DLGAP2: variants seen among roughly 807,000 people sequenced by gnomAD.
DLGAP2 encodes the protein DLG associated protein 2.
In DLGAP2, 26 loss-of-function variants were observed where a neutral mutation model predicts 100.3. The observed-to-expected ratio is 0.26, with a 90% CI of 0.19 to 0.36. DLGAP2 has a LOEUF of 0.36. DLGAP2 is among the 10% of genes least tolerant of loss of function. The pLI, the probability that DLGAP2 is intolerant of heterozygous loss-of-function variation, is 1.00. For missense variants in DLGAP2, 1,858 were observed against 1,453.2 expected, an observed-to-expected ratio of 1.28 and a Z score of -4.53; for synonymous variants, 886 against 630.1, an observed-to-expected ratio of 1.41 and a Z score of -6.08.
At chr8:935,591 T>C (rs879361000) in intron 2 of DLGAP2, among the ~76,000 whole-genome samples, 1 of 152,208 alleles carries the variant, frequency 6.6e-6, no homozygotes, top group Non-Finnish European at 1.5e-5. Context: ...TTGGACGGTG[T>C]GGCTCTGTCG....
chr8:1,633,175 A>G, intron 8 of DLGAP2, 129 bp downstream of exon 8: 1 of 839,660 alleles, frequency 1.2e-6, no homozygotes, highest in Non-Finnish European at 1.8e-6. Flanking sequence ...AACGTTTCCT[A>G]ATTGCATGTG....
intron 3 of DLGAP2, among the ~76,000 whole-genome samples, chr8:1,484,375 T>G (rs1477281836): frequency 6.6e-6 from 1 of 152,274 alleles, no homozygotes; most frequent in African/African-American, 2.4e-5. Context: ...GACACGGACA[T>G]GAGTTCCTTA....
chr8:1,167,928 T>C (rs1797051622), intron 2 of DLGAP2, among the ~76,000 whole-genome samples: 1 of 151,822 alleles, frequency 6.6e-6, no homozygotes, highest in African/African-American at 2.4e-5. Flanking sequence ...ATGTGCACAA[T>C]GTGTAGGCTA....
intron 2 of DLGAP2, among the ~76,000 whole-genome samples, chr8:989,117 G>C (rs538895872): frequency 1.1e-4 from 17 of 152,350 alleles, no homozygotes; most frequent in South Asian, 6.2e-4. Flanking sequence ...CCGCAGTGCA[G>C]TCCCAGCCTT....
At chr8:860,823 G>C (rs1304529594) in intron 1 of DLGAP2, among the ~76,000 whole-genome samples, 1 of 152,162 alleles carries the variant, frequency 6.6e-6, no homozygotes, top group African/African-American at 2.4e-5. Context: ...AGACGGAGAA[G>C]AAGCAGACAA....
At chr8:1,470,254 C>T (rs1798742993) in intron 3 of DLGAP2, among the ~76,000 whole-genome samples, 1 of 152,104 alleles carries the variant, frequency 6.6e-6, no homozygotes, top group African/African-American at 2.4e-5. Flanking sequence ...TCTACACTGT[C>T]GCCTGTGTTA....
chr8:1,616,334 G>C (rs1352017400), intron 6 of DLGAP2, among the ~76,000 whole-genome samples: 2 of 152,202 alleles, frequency 1.3e-5, no homozygotes, highest in Non-Finnish European at 2.9e-5. Context: ...AGAAGGTTTT[G>C]AAGAAAAAAT....
intron 3 of DLGAP2, among the ~76,000 whole-genome samples, chr8:1,355,582 C>T (rs893841665): frequency 2.6e-5 from 4 of 152,136 alleles, no homozygotes; most frequent in African/African-American, 9.7e-5. Context: ...TCAGGCTGGT[C>T]TTGAACTCCT....
chr8:1,165,623 G>A (rs1238281567), intron 2 of DLGAP2, among the ~76,000 whole-genome samples: 1 of 152,250 alleles, frequency 6.6e-6, no homozygotes, highest in Non-Finnish European at 1.5e-5. Context: ...TGCAGTCGCT[G>A]CGTGTGACTG....
chr8:1,117,144 G>A (rs375505805), intron 2 of DLGAP2, among the ~76,000 whole-genome samples: 43 of 86,700 alleles, frequency 5.0e-4, no homozygotes, highest in East Asian at 4.9e-3. Flanking sequence ...ACCCAACACC[G>A]TCTCTTTGAC....
intron 2 of DLGAP2, among the ~76,000 whole-genome samples, chr8:1,105,984 G>T (rs1178840950): frequency 1.3e-5 from 2 of 148,470 alleles, no homozygotes; most frequent in Non-Finnish European, 3.0e-5. Flanking sequence ...TATTGAAGGA[G>T]GCCATTCTAG....
chr8:879,063 G>C (rs1037650401), intron 1 of DLGAP2, among the ~76,000 whole-genome samples: 2 of 152,212 alleles, frequency 1.3e-5, no homozygotes, highest in Non-Finnish European at 2.9e-5. Context: ...GGTTGTGTGT[G>C]AAAGCAACTT....
At position 921,862 on chromosome 8, in the gene DLGAP2, C is replaced by T. The variant is rs150059580; in HGVS notation, c.73+13896C>T. 2.5e-4 allele frequency among the ~76,000 whole-genome samples: 38 copies of T among 152,384 alleles called. 1 individual carries two copies. The highest frequency in any genetic ancestry group is 8.2e-4 in the African/African-American group (34 of 41,598). ...TCACCCACCGCTGGTCTCTGCTCTC[C>T]TCTGAGAACGTGCATCTTCCAGTGG... On this transcript the variant is annotated intron_variant, in intron 2 of 14. Transcript: ENST00000637795.
intron 1 of DLGAP2, among the ~76,000 whole-genome samples, chr8:860,219 G>A (rs967506657): frequency 6.6e-6 from 1 of 152,154 alleles, no homozygotes; most frequent in Non-Finnish European, 1.5e-5. Flanking sequence ...CCTTCGTTAT[G>A]TAAATTTTCA....
At chr8:964,967 A>AC (rs1799812897) in intron 2 of DLGAP2, among the ~76,000 whole-genome samples, 1 of 151,766 alleles carries the variant, frequency 6.6e-6, no homozygotes, top group South Asian at 2.1e-4. Flanking sequence ...CCTGAGCCCA[A>AC]CCCCCGCGTG....
At chr8:1,353,748 A>G (rs371020189) in intron 3 of DLGAP2, among the ~76,000 whole-genome samples, 1 of 152,264 alleles carries the variant, frequency 6.6e-6, no homozygotes, top group East Asian at 1.9e-4. Flanking sequence ...TCAAATTTCT[A>G]TAGGTCAAAG....
At chr8:1,206,397 TCCGTGGACTGGGGTAGA>T (rs1797991311) in intron 2 of DLGAP2, among the ~76,000 whole-genome samples, 2 of 151,852 alleles carry the variant, frequency 1.3e-5, no homozygotes, top group African/African-American at 4.8e-5. Flanking sequence ...TCTCCAGCCA[TCCGTGGACTGGGGTAGA>T]CTGTGAGCGG....
chr8:1,603,208 A>AG (rs201443783), intron 6 of DLGAP2, among the ~76,000 whole-genome samples: 32 of 97,280 alleles, frequency 3.3e-4, no homozygotes, highest in African/African-American at 7.9e-4. Flanking sequence ...AGTTCTGCAG[A>AG]GCTGGTTAGA....
chr8:989,954 G>C (rs1162074547), intron 2 of DLGAP2, among the ~76,000 whole-genome samples: 1 of 152,052 alleles, frequency 6.6e-6, no homozygotes, highest in African/African-American at 2.4e-5. Context: ...GTTGGGTGTT[G>C]GGTTCGATGA....
Sources: gnomAD v4.1 joint callset for allele counts (sites outside exome capture counted in the v4.1 genomes callset) on GRCh38, gnomAD v4.1.1 for gene constraint, MANE v1.5 for transcripts, NCBI Gene and HGNC (gene_info 2026-07-23, HGNC 2026-07-21) for gene names.